The following PLXDC2 variants were observed in gnomAD, a reference collection of about 807,000 sequenced individuals.
PLXDC2 encodes plexin domain-containing protein 2.
PLXDC2 carries 40 observed loss-of-function variants against 68.9 expected under a neutral mutation model. That is an observed-to-expected ratio of 0.58 (90% CI 0.45 to 0.76). The LOEUF (loss-of-function observed/expected upper bound fraction) is 0.76, where lower values mean the gene tolerates loss of function less well. Among genes scored for constraint, PLXDC2 ranks in the 30% least tolerant of loss-of-function variants. The pLI is 0.00. For synonymous variants in PLXDC2, 243 were observed against 234.2 expected (o/e 1.04, Z -0.34); for missense variants, 644 against 661.9 (o/e 0.97, Z 0.30).
At chr10:20,273,923 C>T (rs1254889668) in intron 13 of PLXDC2, among the ~76,000 whole-genome samples, 1 of 151,922 alleles carries the variant, frequency 6.6e-6, no homozygotes, top group Non-Finnish European at 1.5e-5. Flanking sequence ...CCTGTCGTCC[C>T]AGCTACTTAG....
chr10:19,866,201 G>A (rs939971722), intron 1 of PLXDC2, among the ~76,000 whole-genome samples: 5 of 152,132 alleles, frequency 3.3e-5, no homozygotes, highest in African/African-American at 9.7e-5. Context: ...TATTTGTTTA[G>A]TGGCTTAAAC....
intron 9 of PLXDC2, among the ~76,000 whole-genome samples, chr10:20,202,741 A>G (rs1425746103): frequency 6.6e-6 from 1 of 152,146 alleles, no homozygotes; most frequent in Non-Finnish European, 1.5e-5. Context: ...AAATGAATGA[A>G]TACTTCATTC....
chr10:19,962,758 G>C (rs747661504), intron 1 of PLXDC2, among the ~76,000 whole-genome samples: 23 of 149,176 alleles, frequency 1.5e-4, no homozygotes, highest in Admixed American at 1.5e-3. Context: ...GGCCGAGGCT[G>C]GGCGGATCAC....
At chr10:20,084,115 C>G (rs961573245) in intron 4 of PLXDC2, among the ~76,000 whole-genome samples, 3 of 152,120 alleles carry the variant, frequency 2.0e-5, no homozygotes, top group Non-Finnish European at 4.4e-5. Flanking sequence ...GATTTGGCAG[C>G]AAGAAGCACT....
intron 3 of PLXDC2, among the ~76,000 whole-genome samples, chr10:20,051,274 A>C (rs1442465816): frequency 6.6e-6 from 1 of 151,698 alleles, no homozygotes; most frequent in Non-Finnish European, 1.5e-5. Flanking sequence ...AGAAAAGGTA[A>C]CAATTGGTTG....
chr10:20,270,383 A>C (rs1835922969), intron 13 of PLXDC2, among the ~76,000 whole-genome samples: 1 of 152,196 alleles, frequency 6.6e-6, no homozygotes, highest in African/African-American at 2.4e-5. Context: ...GGTTAGGATG[A>C]CTGAGATTCC....
rs529298934 is a variant in PLXDC2, at chr10:20,251,867, G to A, written c.1473+6362G>A. ...ATTGCTCTGTTCACATAAAAATGAA[G>A]AGAAATTGATAAGAACCTCATGATA... On this transcript the variant is annotated intron_variant, in intron 13 of 13. Transcript: ENST00000377252. Among the ~76,000 whole-genome samples, 34 of 151,444 alleles carry A rather than the reference G, an allele frequency of 2.2e-4. No individual in the cohort carries two copies. The South Asian group carries it at 6.7e-3, about 30-fold the overall frequency.
At chr10:20,206,968 C>T (rs1035521608) in intron 9 of PLXDC2, among the ~76,000 whole-genome samples, 1 of 152,042 alleles carries the variant, frequency 6.6e-6, no homozygotes. Context: ...ATCAAGGTGT[C>T]TTTTCCTAGT....
In PLXDC2 at chr10:19,865,082, G is replaced by A. The variant is rs574459044; in HGVS notation, c.112+47891G>A. ...GAGAGAGAAAAGACAAGTGGACATT[G>A]TTCTTCTTTAGTTGTTTTAACAGCA... On this transcript the variant is annotated intron_variant, in intron 1 of 13. Coordinates refer to ENST00000377252, the MANE Select transcript of PLXDC2 (RefSeq NM_032812.9). 5.0e-4 allele frequency among the ~76,000 whole-genome samples: 76 copies of A among 152,306 alleles called. 2 individuals are homozygous for A. The South Asian group carries it at 0.016, about 31-fold the overall frequency.
chr10:20,098,346 C>CGTGTGTGT lies in PLXDC2; in HGVS notation c.541+30110_541+30117dup, dbSNP rs762519549. Among the ~76,000 whole-genome samples the CGTGTGTGT allele has an allele frequency of 4.9e-3, 506 of 103,102 alleles. 4 individuals are homozygous for CGTGTGTGT. The highest frequency in any genetic ancestry group is 0.011 in the African/African-American group (340 of 30,088). The allele number at this position is 103,102 out of a possible 152,430, so 67.6% of individuals were successfully genotyped here. ...GCTCTGTCTTCCCGTCATTTTCGTG[C>CGTGTGTGT]GTGTGTGTGTATGTGTGTGTGTGTG... On this transcript the variant is annotated intron_variant, in intron 4 of 13. Coordinates refer to ENST00000377252, the MANE Select transcript of PLXDC2 (RefSeq NM_032812.9).
intron 1 of PLXDC2, among the ~76,000 whole-genome samples, chr10:19,924,286 G>T (rs1238195729): frequency 6.6e-6 from 1 of 152,032 alleles, no homozygotes. Flanking sequence ...CCAAAACCTG[G>T]GACCAGGCTC....
At chr10:19,942,810 T>C (rs1833840519) in intron 1 of PLXDC2, among the ~76,000 whole-genome samples, 1 of 152,030 alleles carries the variant, frequency 6.6e-6, no homozygotes, top group South Asian at 2.1e-4. Flanking sequence ...AACAAATAAT[T>C]GGGTTCTTCA....
chr10:20,232,905 GAA>G (rs1835384349), intron 12 of PLXDC2, among the ~76,000 whole-genome samples: 1 of 151,974 alleles, frequency 6.6e-6, no homozygotes. Context: ...AGTAAAAAAA[GAA>G]GAAAGAAAAG....
chr10:20,210,826 G>A (rs530522184), intron 9 of PLXDC2, among the ~76,000 whole-genome samples: 2 of 152,128 alleles, frequency 1.3e-5, no homozygotes, highest in Non-Finnish European at 2.9e-5. Flanking sequence ...ATAACAATGT[G>A]CAATAATACA....
At chr10:19,883,884 CTTTTTTTTT>C (rs397846779) in intron 1 of PLXDC2, among the ~76,000 whole-genome samples, 10,437 of 55,100 alleles carry the variant, frequency 0.19, 1,139 homozygotes, top group Middle Eastern at 0.47. Flanking sequence ...TCCCTTTAAA[CTTTTTTTTT>C]TTTTTTTTTT....
chr10:20,006,264 A>G (rs1835027597), intron 2 of PLXDC2, among the ~76,000 whole-genome samples: 1 of 152,194 alleles, frequency 6.6e-6, no homozygotes, highest in African/African-American at 2.4e-5. Context: ...TTAAACAGAA[A>G]TAAGAAAGAA....
chr10:19,859,258 A>AACAAACAG (rs910524792), intron 1 of PLXDC2, among the ~76,000 whole-genome samples: 11 of 152,016 alleles, frequency 7.2e-5, no homozygotes, highest in Non-Finnish European at 1.3e-4. Flanking sequence ...CAAACAAACA[A>AACAAACAG]ACAGACAAAA....
At chr10:20,177,641 G>A (rs74972937) in intron 9 of PLXDC2, among the ~76,000 whole-genome samples, 4,227 of 151,630 alleles carry the variant, frequency 0.028, 76 homozygotes, top group Middle Eastern at 0.072. Flanking sequence ...TGGCAGGTGC[G>A]TGCCTGTAGT....
intron 1 of PLXDC2, among the ~76,000 whole-genome samples, chr10:19,849,641 A>G (rs1210047730): frequency 6.6e-6 from 1 of 152,024 alleles, no homozygotes; most frequent in Non-Finnish European, 1.5e-5. Context: ...TTCCCCTTCC[A>G]CCATGATTGT....
Sources: allele counts gnomAD v4.1 joint callset (sites outside exome capture counted in the v4.1 genomes callset), GRCh38; gene constraint gnomAD v4.1.1; transcripts MANE v1.5; gene names NCBI Gene and HGNC (gene_info 2026-07-23, HGNC 2026-07-21).